RYR1: variants seen among roughly 807,000 people sequenced by gnomAD.
The protein encoded by RYR1 is central core disease of muscle.
Under a neutral mutation model 583.5 loss-of-function variants are expected in RYR1, and 342 were observed. That is an observed-to-expected ratio of 0.59 (90% confidence interval 0.54 to 0.64). The LOEUF is 0.64. Among genes scored for constraint, RYR1 ranks in the 30% least tolerant of loss-of-function variants. The pLI is 0.00. For synonymous variants in RYR1, 2,791 were observed against 2,822.5 expected, an observed-to-expected ratio of 0.99 and a Z score of 0.35; for missense variants, 6,032 against 6,917.2, an observed-to-expected ratio of 0.87 and a Z score of 4.54.
intron 101 of RYR1, among the ~76,000 whole-genome samples, chr19:38,584,096 C>T (rs1974337749): frequency 6.6e-6 from 1 of 152,006 alleles, no homozygotes; most frequent in Non-Finnish European, 1.5e-5. Context: ...CCTCCTCTTC[C>T]AGGAAGCCTC....
At chr19:38,528,786 C>T (rs1005716537) in intron 75 of RYR1, 91 bp downstream of exon 75, 2 of 1,460,454 alleles carry the variant, frequency 1.4e-6, no homozygotes, top group Non-Finnish European at 1.9e-6. Context: ...GGTCGGCCCT[C>T]CACATCAAGG....
intron 56 of RYR1, 34 bp downstream of exon 56, chr19:38,506,580 C>T (rs1970461900): frequency 1.2e-6 from 2 of 1,610,430 alleles, no homozygotes; most frequent in Admixed American, 3.3e-5. Flanking sequence ...ACGCTACCCC[C>T]GTGGATTCAC....
At position 38,536,059 on chromosome 19, in the gene RYR1, A is replaced by G; in HGVS notation, c.11579A>G (p.Glu3860Gly). ...GCCGAGGGGCTGGGCATGGTGAATG[A>G]GGATGGCACTGGTGAGGCCCTCCCT... ...NKAEGLGMVN[E>G]DGTVINRQNG... The change falls in exon 82 of 106, where the codon GAG becomes GGG. Residue 3860 changes from glutamate to glycine, a missense_variant. By Grantham distance (98) the Glu-to-Gly change is moderately conservative. This residue lies in a region of RYR1 where 1,493 missense variants were observed against 1,715.5 expected (regional missense o/e 0.87). Transcript: ENST00000359596. 1.2e-6 allele frequency: 2 copies of G among 1,613,190 alleles called. No homozygotes were observed. Among genetic ancestry groups the G allele is most frequent in the Non-Finnish European group, 1.7e-6 (2 of 1,179,894 alleles).
chr19:38,579,513 C>G (rs894849556), intron 99 of RYR1, among the ~76,000 whole-genome samples: 1 of 151,014 alleles, frequency 6.6e-6, no homozygotes, highest in Non-Finnish European at 1.5e-5. Flanking sequence ...TCACTTGAAC[C>G]TGAGAGGCGG....
intron 15 of RYR1, 29 bp from the exon 16 acceptor site, chr19:38,455,604 T>C: frequency 6.2e-7 from 1 of 1,607,672 alleles, no homozygotes; most frequent in Non-Finnish European, 8.5e-7. Flanking sequence ...GCATGGCCGC[T>C]TCACCTCTCA....
rs1970027988 is a variant in RYR1, at chr19:38,499,897, C to T, written c.7215-11C>T. The T allele has an allele frequency of 4.3e-6, 7 of 1,613,986 alleles. No homozygotes were observed. Among genetic ancestry groups the T allele is most frequent in the Non-Finnish European group, 5.9e-6 (7 of 1,179,944 alleles). On this transcript the variant is annotated splice_polypyrimidine_tract_variant and intron_variant, in intron 44 of 105. Transcript: ENST00000359596. This position sits in a 1 kb window ranked among gnomAD's most constrained non-coding sequence, Gnocchi z 7.3. Reference sequence around the variant, plus strand: ...CTGGCTGCCTCCCCAACCCACCCACCTTCCCTGCAGCTTTGGTGAGGAACC... The same window carrying T: ...CTGGCTGCCTCCCCAACCCACCCACTTTCCCTGCAGCTTTGGTGAGGAACC...
Position 38,455,292 on chromosome 19 carries a change from GC to G in RYR1, c.1501del (p.His501ThrfsTer18). 6.2e-7 allele frequency: 1 copy of G among 1,614,080 alleles called. No homozygotes were observed. The highest frequency in any genetic ancestry group is 8.5e-7 in the Non-Finnish European group (1 of 1,180,006). The stretch of plus-strand genomic sequence containing the variant: ...CCGCCTAAATGTCTACACCACTGCT[GC>G]CCACTTTGCTGAGTTTGCAGGGGAG... ...IDRLNVYTTA[A>X]HFAEFAGEEA... On this transcript the variant is annotated frameshift_variant, in exon 14 of 106. Coordinates refer to ENST00000359596, the MANE Select transcript of RYR1 (RefSeq NM_000540.3). LOFTEE classifies it high-confidence loss of function.
intron 95 of RYR1, 39 bp from the exon 96 acceptor site, chr19:38,573,138 G>T (rs990858929): frequency 1.2e-6 from 2 of 1,612,262 alleles, no homozygotes; most frequent in Non-Finnish European, 1.7e-6. Flanking sequence ...TCCAGCCAAG[G>T]TGCCTGACGC....
intron 11 of RYR1, among the ~76,000 whole-genome samples, chr19:38,449,981 G>A (rs1331005249): frequency 1.3e-5 from 2 of 152,208 alleles, no homozygotes. Flanking sequence ...TCCTGCCTCA[G>A]CCTCCCAAAG....
intron 97 of RYR1, 126 bp from the exon 98 acceptor site, chr19:38,577,792 T>G: frequency 8.1e-7 from 1 of 1,235,332 alleles, no homozygotes; most frequent in Non-Finnish European, 1.1e-6. Context: ...GGAGACTGTC[T>G]CAAAAAAAAA....
At chr19:38,583,585 T>TA (rs1420440544) in intron 101 of RYR1, among the ~76,000 whole-genome samples, 2 of 151,860 alleles carry the variant, frequency 1.3e-5, no homozygotes, top group South Asian at 2.1e-4. Context: ...CCACTGTAGA[T>TA]AAAGTCGAAT....
chr19:38,530,987 C>CTTTTTTTTTTT (rs59244176), intron 76 of RYR1, among the ~76,000 whole-genome samples: 9 of 129,378 alleles, frequency 7.0e-5, no homozygotes, highest in Non-Finnish European at 9.7e-5. Context: ...TTTTCTTTCT[C>CTTTTTTTTTTT]TTTTTTTTTT....
At chr19:38,446,928 G>T (rs1972971506) in intron 9 of RYR1, among the ~76,000 whole-genome samples, 160 bp downstream of exon 9, 1 of 152,216 alleles carries the variant, frequency 6.6e-6, no homozygotes, top group Non-Finnish European at 1.5e-5. Flanking sequence ...TCGGCCAGGC[G>T]TGGTGACTTC....
Position 38,502,831 on chromosome 19 carries a change from C to G in RYR1, c.7836-49C>G, listed in dbSNP as rs373431862. 255 of 1,521,868 alleles carry G rather than the reference C, an allele frequency of 1.7e-4. 2 individuals are homozygous for G. Among genetic ancestry groups the G allele is most frequent in the Non-Finnish European group, 2.1e-4 (239 of 1,130,540 alleles). The allele number at this position is 1,521,868 out of a possible 1,614,324, so 94.3% of individuals were successfully genotyped here. ...GGGGGAGGAGCAGGGGCAGGGGCAG[C>G]AGAGCGGGCCTGGACGGGGGATTCT... On this transcript the variant is annotated intron_variant, in intron 48 of 105. Coordinates refer to ENST00000359596, the MANE Select transcript of RYR1 (RefSeq NM_000540.3).
intron 64 of RYR1, 138 bp downstream of exon 64, chr19:38,515,245 A>T: frequency 1.4e-6 from 1 of 739,092 alleles, no homozygotes; most frequent in Non-Finnish European, 2.3e-6. Flanking sequence ...GCGGTTCCCC[A>T]CGGCGGCCGC....
At chr19:38,463,139 CTG>C in intron 20 of RYR1, among the ~76,000 whole-genome samples, 1 of 57,290 alleles carries the variant, frequency 1.7e-5, no homozygotes, top group Non-Finnish European at 3.8e-5. Flanking sequence ...CTCAGGCGAT[CTG>C]CCCCCCCCCC....
chr19:38,476,722 T>G (rs1482535430), intron 29 of RYR1, among the ~76,000 whole-genome samples: 1 of 152,186 alleles, frequency 6.6e-6, no homozygotes, highest in Non-Finnish European at 1.5e-5. Flanking sequence ...GCCTCGAGAT[T>G]AGATCATGGG....
rs367813174 is a variant in RYR1 at position 38,536,088 on chromosome 19, G to A, written c.11590+18G>A. 5 of 1,604,528 alleles carry A rather than the reference G, an allele frequency of 3.1e-6. No homozygotes were observed. The highest frequency in any genetic ancestry group is 2.2e-5 in the East Asian group (1 of 44,798). On this transcript the variant is annotated intron_variant, in intron 82 of 105. Coordinates refer to ENST00000359596, the MANE Select transcript of RYR1 (RefSeq NM_000540.3). ...TGGCACTGGTGAGGCCCTCCCTTGG[G>A]CTTCCCACCCCCTGAGACATCTTCC...
intron 84 of RYR1, among the ~76,000 whole-genome samples, chr19:38,541,098 G>C (rs1426444745): frequency 6.6e-6 from 1 of 152,200 alleles, no homozygotes; most frequent in Non-Finnish European, 1.5e-5. Flanking sequence ...TTCACGCAGA[G>C]GTTCTCATTG....
Sources: allele counts gnomAD v4.1 joint callset (sites outside exome capture counted in the v4.1 genomes callset), GRCh38; gene constraint gnomAD v4.1.1; regional missense constraint gnomAD v4.1.1; non-coding constraint Gnocchi (gnomAD v3.1); transcripts MANE v1.5; gene names NCBI Gene and HGNC (gene_info 2026-07-23, HGNC 2026-07-21).